Variants in SUPT3H observed in about 807,000 individuals in gnomAD.
SUPT3H encodes transcription initiation protein SPT3 homolog.
Under a neutral mutation model 44.3 loss-of-function variants are expected in SUPT3H, and 44 were observed. The observed-to-expected ratio is 0.99, with a 90% CI of 0.78 to 1.28. The LOEUF is 1.28. Among genes scored for constraint, SUPT3H ranks in the 50% most tolerant of loss-of-function variants. SUPT3H has a pLI of 0.00. For synonymous variants in SUPT3H, 124 were observed against 125.6 expected, an observed-to-expected ratio of 0.99 and a Z score of 0.09; for missense variants, 380 against 387.1, an observed-to-expected ratio of 0.98 and a Z score of 0.15.
chr6:44,888,159 G>T (rs940283904), intron 10 of SUPT3H, among the ~76,000 whole-genome samples: 2 of 152,164 alleles, frequency 1.3e-5, no homozygotes, highest in Admixed American at 1.3e-4. Flanking sequence ...GGACCAGAAG[G>T]ATTCACAGCC....
At chr6:45,108,523 T>C (rs75272024) in intron 2 of SUPT3H, among the ~76,000 whole-genome samples, 3,100 of 152,288 alleles carry the variant, frequency 0.02, 43 homozygotes, top group Non-Finnish European at 0.033. Flanking sequence ...AGGAAAGGAA[T>C]AGCTCAATAT....
chr6:44,978,263 T>A (rs150254029), intron 6 of SUPT3H, among the ~76,000 whole-genome samples: 2 of 152,316 alleles, frequency 1.3e-5, no homozygotes, highest in Admixed American at 1.3e-4. Flanking sequence ...CTGAGCCAGG[T>A]ATATTACATA....
chr6:45,224,985 AAATATAC>A (rs1373303106), intron 2 of SUPT3H, among the ~76,000 whole-genome samples: 1 of 152,100 alleles, frequency 6.6e-6, no homozygotes, highest in Non-Finnish European at 1.5e-5. Flanking sequence ...AAACTTCTAA[AAATATAC>A]AATCTGCCAG....
chr6:45,351,453 C>T (rs1430418753), intron 2 of SUPT3H, among the ~76,000 whole-genome samples: 1 of 152,088 alleles, frequency 6.6e-6, no homozygotes, highest in African/African-American at 2.4e-5. Flanking sequence ...ATCACTGTAA[C>T]ATAGTAAAAT....
At chr6:44,955,737 A>AG (rs979314682) in intron 7 of SUPT3H, among the ~76,000 whole-genome samples, 1 of 152,078 alleles carries the variant, frequency 6.6e-6, no homozygotes. Flanking sequence ...AAAGGGTAGG[A>AG]GGGGGGTGAG....
intron 10 of SUPT3H, among the ~76,000 whole-genome samples, chr6:44,894,134 A>G (rs1182996434): frequency 7.5e-6 from 1 of 132,572 alleles, no homozygotes; most frequent in Non-Finnish European, 1.6e-5. Context: ...CCTTTGTCAG[A>G]TGAGTAGGTT....
chr6:44,986,753 T>C (rs902588048), intron 6 of SUPT3H, among the ~76,000 whole-genome samples: 34 of 152,118 alleles, frequency 2.2e-4, no homozygotes, highest in Admixed American at 2.6e-4. Context: ...ATTATTACAC[T>C]CTGTTCAGGG....
chr6:45,108,481 A>AT (rs1177262213), intron 2 of SUPT3H, among the ~76,000 whole-genome samples: 4 of 152,110 alleles, frequency 2.6e-5, no homozygotes, highest in Admixed American at 1.3e-4. Flanking sequence ...TATTGCTTGT[A>AT]TTTTTTCTAG....
intron 3 of SUPT3H, among the ~76,000 whole-genome samples, chr6:45,086,649 T>C (rs1796509108): frequency 6.6e-6 from 1 of 151,942 alleles, no homozygotes; most frequent in Admixed American, 6.6e-5. Context: ...CTTCCATCTC[T>C]AAAACTCTAG....
intron 6 of SUPT3H, among the ~76,000 whole-genome samples, chr6:44,974,053 ATATAT>A (rs937973388): frequency 4.6e-5 from 7 of 152,114 alleles, no homozygotes; most frequent in African/African-American, 1.7e-4. Flanking sequence ...TATGGCTCAC[ATATAT>A]TAGGTAACTT....
At chr6:45,290,456 C>A (rs4307170) in intron 2 of SUPT3H, among the ~76,000 whole-genome samples, 111,760 of 142,048 alleles carry the variant, frequency 0.79, 45,739 homozygotes, top group East Asian at 0.99. Context: ...CATGGATGAT[C>A]AAAAAAAAAA....
intron 2 of SUPT3H, among the ~76,000 whole-genome samples, chr6:45,189,944 T>C (rs1814860017): frequency 6.6e-6 from 1 of 152,218 alleles, no homozygotes; most frequent in South Asian, 2.1e-4. Flanking sequence ...ATTTAAACTT[T>C]TTAATGTATC....
intron 3 of SUPT3H, among the ~76,000 whole-genome samples, chr6:45,096,897 T>C (rs569880041): frequency 5.5e-4 from 84 of 152,272 alleles, no homozygotes; most frequent in African/African-American, 1.9e-3. Flanking sequence ...TCTTGATATA[T>C]ATCTATCAGG....
intron 3 of SUPT3H, among the ~76,000 whole-genome samples, chr6:45,079,202 T>C (rs1191179759): frequency 2.6e-5 from 4 of 151,934 alleles, no homozygotes; most frequent in East Asian, 3.9e-4. Context: ...CCCAGCTACT[T>C]GGGAGGCTGA....
intron 2 of SUPT3H, among the ~76,000 whole-genome samples, chr6:45,289,769 A>G (rs1780000847): frequency 6.6e-6 from 1 of 152,224 alleles, no homozygotes; most frequent in South Asian, 2.1e-4. Context: ...GGTAAGGATG[A>G]GATATTTACT....
intron 2 of SUPT3H, among the ~76,000 whole-genome samples, chr6:45,273,067 T>A (rs1259138436): frequency 6.6e-6 from 1 of 152,248 alleles, no homozygotes; most frequent in African/African-American, 2.4e-5. Context: ...AAAGCTCTGT[T>A]CTTGTCTGCA....
intron 10 of SUPT3H, among the ~76,000 whole-genome samples, chr6:44,870,148 G>A (rs1452465274): frequency 4.6e-5 from 7 of 152,080 alleles, no homozygotes; most frequent in South Asian, 4.1e-4. Flanking sequence ...GCAAATAATG[G>A]CTCTTTCAAC....
At chr6:45,191,693 C>T (rs1391352355) in intron 2 of SUPT3H, among the ~76,000 whole-genome samples, 1 of 151,870 alleles carries the variant, frequency 6.6e-6, no homozygotes, top group African/African-American at 2.4e-5. Context: ...ATACAGTCTA[C>T]AAAAATAAGA....
intron 7 of SUPT3H, 121 bp downstream of exon 7, chr6:44,961,632 C>T: frequency 1.3e-6 from 1 of 774,940 alleles, no homozygotes; most frequent in Non-Finnish European, 2.2e-6. Context: ...TTGTATAGCA[C>T]TTACAACTAC....
Sources: allele counts gnomAD v4.1 joint callset (sites outside exome capture counted in the v4.1 genomes callset), GRCh38; gene constraint gnomAD v4.1.1; transcripts MANE v1.5; gene names NCBI Gene and HGNC (gene_info 2026-07-23, HGNC 2026-07-21).